DNAH11: variants seen among roughly 807,000 people sequenced by gnomAD.
DNAH11 encodes the protein axonemal beta dynein heavy chain 11.
DNAH11 carries 442 observed loss-of-function variants against 526.0 expected under a neutral mutation model. The ratio of observed to expected loss-of-function variants is 0.84; its 90% CI spans 0.78 to 0.91. DNAH11 has a LOEUF of 0.91. DNAH11 is among the 40% of genes least tolerant of loss of function. The probability of loss-of-function intolerance (pLI) is 0.00; values close to 1 mark genes in which losing one functional copy is unlikely to be tolerated. For missense variants in DNAH11, 6,989 were observed against 5,448.7 expected (o/e 1.28, Z -8.90); for synonymous variants, 2,461 against 1,935.9 (o/e 1.27, Z -7.12).
intron 47 of DNAH11, 64 bp from the exon 48 acceptor site, chr7:21,739,507 G>A (rs1455722767): frequency 4.0e-6 from 5 of 1,251,916 alleles, no homozygotes; most frequent in East Asian, 2.4e-5. Context: ...TTTATGAACT[G>A]TTAGATTTTG....
At chr7:21,710,213 G>T (rs551148258) in intron 40 of DNAH11, among the ~76,000 whole-genome samples, 5 of 152,182 alleles carry the variant, frequency 3.3e-5, no homozygotes, top group Non-Finnish European at 7.3e-5. Flanking sequence ...TGTGTATGAA[G>T]AAGGATCATG....
intron 14 of DNAH11, 80 bp downstream of exon 14, chr7:21,591,657 G>A (rs953630436): frequency 5.9e-6 from 8 of 1,351,194 alleles, no homozygotes; most frequent in Middle Eastern, 2.0e-4. Flanking sequence ...ACCTAATAAT[G>A]TGGGACTCTT....
At position 21,606,740 on chromosome 7, in the gene DNAH11, C is replaced by T. The variant is rs1169835138; in HGVS notation, c.3852+7C>T. 1 of 1,592,582 alleles carries T rather than the reference C, an allele frequency of 6.3e-7. No homozygotes were observed. The highest frequency in any genetic ancestry group is 8.6e-7 in the Non-Finnish European group (1 of 1,167,916). On this transcript the variant is annotated splice_region_variant and intron_variant, in intron 20 of 81. Transcript: ENST00000409508. ...ATACACAGCGCTTGATAAGGTAATA[C>T]AGATCTCAAATATCCTGTGTGCATT...
intron 61 of DNAH11, among the ~76,000 whole-genome samples, chr7:21,790,953 A>T (rs1788455386): frequency 6.6e-6 from 1 of 152,234 alleles, no homozygotes; most frequent in Admixed American, 6.5e-5. Context: ...AAGTGAATGG[A>T]TGCTGGAAGA....
In DNAH11 at chr7:21,547,029, G is replaced by A. The variant is rs145768201; in HGVS notation, c.495+1880G>A. ...TTGGTGAACCTTACTTTGGTTCATA[G>A]AGAAAGTTTATTTTTCTTACAAATG... On this transcript the variant is annotated intron_variant, in intron 2 of 81. Coordinates refer to ENST00000409508, the MANE Select transcript of DNAH11 (RefSeq NM_001277115.2). 2.4e-3 allele frequency among the ~76,000 whole-genome samples: 365 copies of A among 152,280 alleles called. 3 individuals carry two copies. Among genetic ancestry groups the A allele is most frequent in the African/African-American group, 8.6e-3 (356 of 41,572 alleles).
intron 45 of DNAH11, among the ~76,000 whole-genome samples, chr7:21,726,860 CAA>C (rs1166791175): frequency 2.9e-4 from 4 of 13,810 alleles, no homozygotes; most frequent in African/African-American, 1.5e-3. Context: ...GACTCTGTCT[CAA>C]AAAAAAAAAA....
intron 25 of DNAH11, among the ~76,000 whole-genome samples, chr7:21,620,593 T>C (rs964564640): frequency 1.3e-5 from 2 of 152,112 alleles, no homozygotes; most frequent in Non-Finnish European, 2.9e-5. Context: ...CTTTAAGTTT[T>C]AGGGTACACG....
intron 38 of DNAH11, 74 bp from the exon 39 acceptor site, chr7:21,705,386 G>T: frequency 6.7e-7 from 1 of 1,501,146 alleles, no homozygotes; most frequent in Non-Finnish European, 9.2e-7. Flanking sequence ...AAGAAGAATT[G>T]GGCAAAAATG....
intron 66 of DNAH11, among the ~76,000 whole-genome samples, chr7:21,850,931 GTA>G: frequency 6.6e-6 from 1 of 152,252 alleles, no homozygotes; most frequent in Non-Finnish European, 1.5e-5. Flanking sequence ...TGTTGGTAAG[GTA>G]TTATGGAGGG....
intron 15 of DNAH11, among the ~76,000 whole-genome samples, 193 bp downstream of exon 15, chr7:21,600,312 G>A (rs932732443): frequency 4.6e-5 from 7 of 151,992 alleles, no homozygotes; most frequent in African/African-American, 1.2e-4. Context: ...TAAAAAATTA[G>A]CTGGGTGTGG....
chr7:21,673,365 G>C (rs1349932476), intron 30 of DNAH11, among the ~76,000 whole-genome samples: 1 of 152,154 alleles, frequency 6.6e-6, no homozygotes, highest in Non-Finnish European at 1.5e-5. Flanking sequence ...TCGTAGAGTT[G>C]TGATGATTAA....
At chr7:21,779,929 G>C (rs1360341989) in intron 57 of DNAH11, among the ~76,000 whole-genome samples, 2 of 152,068 alleles carry the variant, frequency 1.3e-5, no homozygotes, top group Non-Finnish European at 2.9e-5. Context: ...CATTGAATCG[G>C]TAGTGATTAT....
At chr7:21,562,935 T>C (rs558825020) in intron 5 of DNAH11, among the ~76,000 whole-genome samples, 6 of 152,298 alleles carry the variant, frequency 3.9e-5, no homozygotes, top group Admixed American at 3.9e-4. Context: ...GCAGGGTTTT[T>C]TTTGTTCTTG....
At chr7:21,871,200 C>G (rs1048014819) in intron 73 of DNAH11, among the ~76,000 whole-genome samples, 2 of 152,172 alleles carry the variant, frequency 1.3e-5, no homozygotes, top group Non-Finnish European at 2.9e-5. Context: ...AGCAGGCCGG[C>G]AACTATCTTT....
chr7:21,711,797 C>T lies in DNAH11; in HGVS notation c.6920C>T (p.Thr2307Ile). Residue 2307 changes from threonine to isoleucine, a missense_variant, in exon 42 of 82, where the codon ACC becomes ATC. Coordinates refer to ENST00000409508, the MANE Select transcript of DNAH11 (RefSeq NM_001277115.2). ...LFEIHHLRSATPATVSRAGIL... is the reference protein window; with the variant it reads ...LFEIHHLRSAIPATVSRAGIL... ...GAGATACATCACTTAAGGAGCGCAA[C>T]CCCGGCCACTGTTTCCAGAGCTGGT... 1 of 1,613,898 alleles carries T rather than the reference C, an allele frequency of 6.2e-7. No homozygotes were observed. The highest frequency in any genetic ancestry group is 2.2e-5 in the East Asian group (1 of 44,882).
intron 8 of DNAH11, among the ~76,000 whole-genome samples, chr7:21,578,959 A>C (rs1431912907): frequency 6.6e-6 from 1 of 152,186 alleles, no homozygotes; most frequent in African/African-American, 2.4e-5. Context: ...CCTTTGAGTC[A>C]TCTGTAATCT....
At chr7:21,854,684 A>C (rs1443887854) in intron 68 of DNAH11, among the ~76,000 whole-genome samples, 1 of 152,098 alleles carries the variant, frequency 6.6e-6, no homozygotes, top group Non-Finnish European at 1.5e-5. Flanking sequence ...CTGGGACTAC[A>C]GGAGTGCGCC....
chr7:21,832,765 G>C (rs1276760210), intron 65 of DNAH11, among the ~76,000 whole-genome samples: 1 of 152,214 alleles, frequency 6.6e-6, no homozygotes, highest in Non-Finnish European at 1.5e-5. Flanking sequence ...TTTTGGTGCA[G>C]CCTGGGAACC....
At chr7:21,556,062 A>G (rs1371462551) in intron 2 of DNAH11, among the ~76,000 whole-genome samples, 1 of 152,080 alleles carries the variant, frequency 6.6e-6, no homozygotes, top group Non-Finnish European at 1.5e-5. Flanking sequence ...TTCTTCCCCC[A>G]TTTCCTCATT....
Sources: allele counts gnomAD v4.1 joint callset (sites outside exome capture counted in the v4.1 genomes callset), GRCh38; gene constraint gnomAD v4.1.1; transcripts MANE v1.5; gene names NCBI Gene and HGNC (gene_info 2026-07-23, HGNC 2026-07-21).